SLC9D1: variants seen among roughly 807,000 people sequenced by gnomAD.
The protein encoded by SLC9D1 is solute carrier family 9 member D1, also known as putative LAG1-interacting protein.
At chr13:113,520,602 C>T in the SLC9D1 span, 1,315 of 1,601,570 alleles carry the variant, frequency 8.2e-4, 4 homozygotes, top group Non-Finnish European at 9.3e-4. Context: ...TCTTCAATGC[C>T]TTTCCCCCCA....
At chr13:113,491,738 C>T in the SLC9D1 span, among the ~76,000 whole-genome samples, 1 of 152,200 alleles carries the variant, frequency 6.6e-6, no homozygotes, top group Non-Finnish European at 1.5e-5. Flanking sequence ...CCTCCAGGGC[C>T]GGCCGCAGAG....
the SLC9D1 span, chr13:113,548,195 A>G: frequency 2.3e-6 from 3 of 1,276,912 alleles, no homozygotes; most frequent in South Asian, 2.6e-5. Flanking sequence ...CGTGTTATTC[A>G]GGGACCATCG....
chr13:113,506,499 G>A, the SLC9D1 span, among the ~76,000 whole-genome samples: 2 of 152,112 alleles, frequency 1.3e-5, no homozygotes, highest in Non-Finnish European at 2.9e-5. Context: ...AGTGTCCCAC[G>A]AGACTCCGTA....
chr13:113,522,369 C>T, the SLC9D1 span, among the ~76,000 whole-genome samples: 1 of 152,306 alleles, frequency 6.6e-6, no homozygotes, highest in African/African-American at 2.4e-5. Flanking sequence ...GAGACGGAGT[C>T]TCGCTCTGTC....
the SLC9D1 span, among the ~76,000 whole-genome samples, chr13:113,532,195 C>T: frequency 6.6e-6 from 1 of 152,186 alleles, no homozygotes; most frequent in African/African-American, 2.4e-5. Context: ...TTTGGAGAGG[C>T]AATGAATGAA....
At chr13:113,519,084 C>G in the SLC9D1 span, among the ~76,000 whole-genome samples, 1 of 151,618 alleles carries the variant, frequency 6.6e-6, no homozygotes, top group African/African-American at 2.4e-5. Context: ...GCTCTTGTCC[C>G]CCAGGCTGGA....
At chr13:113,534,588 G>C in the SLC9D1 span, 5 of 318,362 alleles carry the variant, frequency 1.6e-5, no homozygotes, top group South Asian at 3.3e-4. Flanking sequence ...CAGAAGTTTG[G>C]GAGCAGCCAG....
the SLC9D1 span, chr13:113,495,951 G>A: frequency 6.2e-7 from 1 of 1,613,968 alleles, no homozygotes; most frequent in African/African-American, 1.3e-5. Context: ...CCTGCAGGGG[G>A]ATTACAAAGA....
At chr13:113,539,858 A>C in the SLC9D1 span, among the ~76,000 whole-genome samples, 1 of 151,178 alleles carries the variant, frequency 6.6e-6, no homozygotes, top group African/African-American at 2.4e-5. This position sits in a 1 kb window ranked among gnomAD's most constrained non-coding sequence, Gnocchi z 4.8. Flanking sequence ...TTTAATCCTC[A>C]CCCTCCTCCT....
the SLC9D1 span, chr13:113,549,473 C>G: frequency 8.1e-6 from 13 of 1,613,944 alleles, no homozygotes; most frequent in Admixed American, 2.2e-4. Context: ...CTTGCTCGCC[C>G]CGGTGCTGTG....
At chr13:113,509,566 C>T in the SLC9D1 span, among the ~76,000 whole-genome samples, 1 of 152,186 alleles carries the variant, frequency 6.6e-6, no homozygotes, top group Non-Finnish European at 1.5e-5. Context: ...TCTAGGGCCC[C>T]CACCCCAACT....
chr13:113,520,583 G>A, the SLC9D1 span: 30 of 1,517,428 alleles, frequency 2.0e-5, no homozygotes, highest in Middle Eastern at 1.7e-4. Context: ...TTGAGTTGTC[G>A]TAGACCTGTC....
chr13:113,498,331 C>G, the SLC9D1 span: 1 of 1,515,690 alleles, frequency 6.6e-7, no homozygotes, highest in African/African-American at 1.4e-5. Context: ...TCTTTTCTTA[C>G]AAATGAATAG....
chr13:113,530,079 A>T, the SLC9D1 span: 1 of 152,394 alleles, frequency 6.6e-6, no homozygotes, highest in South Asian at 2.1e-4. Context: ...TATAGCACAG[A>T]TGAAGCACGA....
the SLC9D1 span, among the ~76,000 whole-genome samples, chr13:113,520,094 C>T: frequency 1.3e-5 from 2 of 152,152 alleles, no homozygotes; most frequent in African/African-American, 2.4e-5. Context: ...ACAAGTAAGT[C>T]GTGGAAGTAA....
At chr13:113,539,406 G>C in the SLC9D1 span, 7 of 1,613,608 alleles carry the variant, frequency 4.3e-6, no homozygotes, top group Non-Finnish European at 5.9e-6. This position sits in a 1 kb window ranked among gnomAD's most constrained non-coding sequence, Gnocchi z 4.8. Context: ...TTCCTGGCTG[G>C]AGCGCTCGTC....
the SLC9D1 span, among the ~76,000 whole-genome samples, chr13:113,543,151 C>T: frequency 5.1e-5 from 4 of 77,956 alleles, no homozygotes; most frequent in East Asian, 9.1e-4. Flanking sequence ...TCCCCGTGCC[C>T]CCCGCCCTAC....
At chr13:113,539,409 C>A in the SLC9D1 span, 1 of 1,613,524 alleles carries the variant, frequency 6.2e-7, no homozygotes, top group South Asian at 1.1e-5. The surrounding 1 kb of genome is among the most constrained non-coding windows in gnomAD (Gnocchi z 4.8). Flanking sequence ...CTGGCTGGAG[C>A]GCTCGTCTCC....
At chr13:113,519,347 C>CTTTT in the SLC9D1 span, among the ~76,000 whole-genome samples, 136 of 136,030 alleles carry the variant, frequency 1.0e-3, 2 homozygotes, top group East Asian at 2.8e-3. Flanking sequence ...CGCCCAGCCG[C>CTTTT]TTTTTTTTTT....
Sources: allele counts gnomAD v4.1 joint callset (sites outside exome capture counted in the v4.1 genomes callset), GRCh38; gene constraint gnomAD v4.1.1; non-coding constraint Gnocchi (gnomAD v3.1); transcripts MANE v1.5; gene names NCBI Gene and HGNC (gene_info 2026-07-23, HGNC 2026-07-21).